Variants in ABI1 observed in about 807,000 individuals in gnomAD.
The protein encoded by ABI1 is abl interactor 1, also known as Abelson interactor 1.
ABI1 carries 14 observed loss-of-function variants against 54.6 expected under a neutral mutation model. The ratio of observed to expected loss-of-function variants is 0.26; its 90% CI spans 0.17 to 0.40. The LOEUF is 0.40. Among genes scored for constraint, ABI1 ranks in the 10% least tolerant of loss-of-function variants. The probability of loss-of-function intolerance (pLI) is 1.00; values close to 1 mark genes in which losing one functional copy is unlikely to be tolerated. For missense variants in ABI1, 443 were observed against 598.3 expected, an observed-to-expected ratio of 0.74 and a Z score of 2.71; for synonymous variants, 194 against 209.3, an observed-to-expected ratio of 0.93 and a Z score of 0.63.
At chr10:26,830,121 C>T (rs925969730) in intron 1 of ABI1, among the ~76,000 whole-genome samples, 7 of 152,122 alleles carry the variant, frequency 4.6e-5, no homozygotes, top group Non-Finnish European at 7.4e-5. Context: ...TCCTTGTTAC[C>T]GCTAAGTAGT....
chr10:26,855,984 A>AAAAAAAG (rs1349985895), intron 1 of ABI1, among the ~76,000 whole-genome samples: 1 of 146,360 alleles, frequency 6.8e-6, no homozygotes, highest in African/African-American at 2.5e-5. Flanking sequence ...AAAAAAAAAA[A>AAAAAAAG]AAAAAAAGAA....
chr10:26,768,600 C>T (rs1184405085), intron 6 of ABI1, among the ~76,000 whole-genome samples: 1 of 151,612 alleles, frequency 6.6e-6, no homozygotes, highest in African/African-American at 2.4e-5. Context: ...GTCTGTACCT[C>T]TATCAAAAGG....
chr10:26,791,014 T>A (rs1003796814), intron 2 of ABI1, among the ~76,000 whole-genome samples: 3 of 139,410 alleles, frequency 2.2e-5, no homozygotes, highest in East Asian at 2.2e-4. Context: ...AAGGCTGCAG[T>A]GAGCCACAAT....
intron 1 of ABI1, among the ~76,000 whole-genome samples, chr10:26,859,287 G>A (rs1172870507): frequency 6.6e-6 from 1 of 151,692 alleles, no homozygotes; most frequent in Non-Finnish European, 1.5e-5. Context: ...TGCTACTGAA[G>A]ATACAATGTT....
In ABI1 at chr10:26,761,717, T is replaced by C. The variant is rs146884060; in HGVS notation, c.821-2479A>G. Among the ~76,000 whole-genome samples, 110 of 146,466 alleles carry C rather than the reference T, an allele frequency of 7.5e-4. No individual in the cohort carries two copies. The East Asian group carries it at 0.018, about 23-fold the overall frequency. ...ACAATACACACAGTTTTTACAAATT[T>C]ATAAACTTTTGTAATGGAATCAATC... On this transcript the variant is annotated intron_variant, in intron 7 of 10. Coordinates refer to ENST00000376140, the MANE Select transcript of ABI1 (RefSeq NM_001012750.3).
chr10:26,786,183 C>T lies in ABI1; in HGVS notation c.286-8942G>A, dbSNP rs981557745. Among the ~76,000 whole-genome samples the T allele has an allele frequency of 4.0e-5, 6 of 151,852 alleles. No homozygotes were observed. The South Asian group carries it at 6.2e-4, about 16-fold the overall frequency. On this transcript the variant is annotated intron_variant, in intron 2 of 10. Coordinates refer to ENST00000376140, the MANE Select transcript of ABI1 (RefSeq NM_001012750.3). Reference sequence around the variant, plus strand: ...TCATTGATTCATTGATGTTACAAAACGTAAAGAGCCCCATTTTTGTAGAAT... The same window carrying T: ...TCATTGATTCATTGATGTTACAAAATGTAAAGAGCCCCATTTTTGTAGAAT...
At chr10:26,803,853 A>C (rs1305387571) in intron 2 of ABI1, among the ~76,000 whole-genome samples, 2 of 152,200 alleles carry the variant, frequency 1.3e-5, no homozygotes, top group African/African-American at 4.8e-5. Context: ...AAAACAGATA[A>C]GGTTCCTGTC....
chr10:26,748,878 T>C (rs368535118), intron 10 of ABI1, 133 bp from the exon 11 acceptor site: 2 of 691,986 alleles, frequency 2.9e-6, no homozygotes, highest in South Asian at 2.0e-5. Context: ...TTTGTATCTA[T>C]CAATATAAGT....
At chr10:26,785,389 G>C (rs1248628440) in intron 2 of ABI1, among the ~76,000 whole-genome samples, 1 of 152,150 alleles carries the variant, frequency 6.6e-6, no homozygotes, top group Non-Finnish European at 1.5e-5. Context: ...TCTCCCTCAG[G>C]AGTAAAAGGC....
chr10:26,807,422 C>A (rs1041936781), intron 2 of ABI1, among the ~76,000 whole-genome samples: 1 of 152,010 alleles, frequency 6.6e-6, no homozygotes, highest in Non-Finnish European at 1.5e-5. Context: ...GACAAGGCTG[C>A]AGTGAACCAT....
At chr10:26,818,518 A>G (rs2133713041) in intron 2 of ABI1, among the ~76,000 whole-genome samples, 1 of 151,546 alleles carries the variant, frequency 6.6e-6, no homozygotes, top group Admixed American at 6.6e-5. Context: ...GCTGAGACAT[A>G]AGAATCACTT....
At chr10:26,805,149 T>C (rs1170603107) in intron 2 of ABI1, among the ~76,000 whole-genome samples, 1 of 152,192 alleles carries the variant, frequency 6.6e-6, no homozygotes, top group Non-Finnish European at 1.5e-5. Context: ...TTCAAGAAGC[T>C]GGGCATGGCA....
rs867960722 is a variant in ABI1 at position 26,860,674 on chromosome 10, C to T, written c.117+73G>A. Reference sequence around the variant, plus strand: ...CGCTGAGGTCAGGGCAGTTCCCCACCCCGCCCAGTGGGCTGGTCACTCCGG... The same window carrying T: ...CGCTGAGGTCAGGGCAGTTCCCCACTCCGCCCAGTGGGCTGGTCACTCCGG... On this transcript the variant is annotated intron_variant, in intron 1 of 10. Coordinates refer to ENST00000376140, the MANE Select transcript of ABI1 (RefSeq NM_001012750.3). This position sits in a 1 kb window ranked among gnomAD's most constrained non-coding sequence, Gnocchi z 4.1. 1.5e-4 allele frequency: 193 copies of T among 1,251,812 alleles called. No individual in the cohort carries two copies. The highest frequency in any genetic ancestry group is 1.0e-3 in the Middle Eastern group (5 of 4,790). The allele number at this position is 1,251,812 out of a possible 1,614,324, so 77.5% of individuals were successfully genotyped here. A position where few individuals can be genotyped will look rare whatever the true frequency, so the allele number is the denominator to read the frequency against.
intron 2 of ABI1, among the ~76,000 whole-genome samples, chr10:26,796,647 T>C (rs551265697): frequency 1.3e-5 from 2 of 152,328 alleles, no homozygotes; most frequent in East Asian, 3.9e-4. Flanking sequence ...ATTAAATAAG[T>C]AGATTTTAGG....
chr10:26,821,580 T>C (rs2047985622), intron 2 of ABI1, among the ~76,000 whole-genome samples: 1 of 152,092 alleles, frequency 6.6e-6, no homozygotes, highest in South Asian at 2.1e-4. Flanking sequence ...GGTGGATCAC[T>C]TGAGATCAGG....
At chr10:26,771,869 C>T (rs1322610003) in intron 3 of ABI1, among the ~76,000 whole-genome samples, 1 of 152,036 alleles carries the variant, frequency 6.6e-6, no homozygotes, top group Non-Finnish European at 1.5e-5. Context: ...TTAAAGCTGA[C>T]TAGCCTACAC....
At chr10:26,837,130 C>T (rs538052125) in intron 1 of ABI1, among the ~76,000 whole-genome samples, 6 of 152,300 alleles carry the variant, frequency 3.9e-5, no homozygotes, top group African/African-American at 9.6e-5. Context: ...AATATACAGT[C>T]GGCTTGGGCT....
At chr10:26,774,373 A>G (rs1841116517) in intron 3 of ABI1, among the ~76,000 whole-genome samples, 1 of 152,196 alleles carries the variant, frequency 6.6e-6, no homozygotes, top group Admixed American at 6.5e-5. Flanking sequence ...CAGGCTGTTA[A>G]TTATTACTAG....
chr10:26,856,077 A>G (rs2050782373), intron 1 of ABI1, among the ~76,000 whole-genome samples: 1 of 151,158 alleles, frequency 6.6e-6, no homozygotes, highest in Non-Finnish European at 1.5e-5. Flanking sequence ...ACCTGAGGCC[A>G]GAGTTCGAGA....
Sources: gnomAD v4.1 joint callset for allele counts (sites outside exome capture counted in the v4.1 genomes callset) on GRCh38, gnomAD v4.1.1 for gene constraint, Gnocchi (gnomAD v3.1) non-coding constraint, MANE v1.5 for transcripts, NCBI Gene and HGNC (gene_info 2026-07-23, HGNC 2026-07-21) for gene names.